The following CSMD3 variants were observed in gnomAD, a reference collection of about 807,000 sequenced individuals.
CSMD3 encodes the protein CUB and Sushi multiple domains 3, also known as CUB and sushi domain-containing protein 3.
A neutral mutation model predicts 435.2 loss-of-function variants in CSMD3; 177 were observed. The observed-to-expected ratio is 0.41, with a 90% confidence interval of 0.36 to 0.46. The LOEUF is 0.46. Ranked by LOEUF, CSMD3 falls within the 20% of genes least tolerant of loss-of-function variation. The pLI, the probability that CSMD3 is intolerant of heterozygous loss-of-function variation, is 0.34. For synonymous variants in CSMD3, 1,656 were observed against 1,520.5 expected, an observed-to-expected ratio of 1.09 and a Z score of -2.07; for missense variants, 4,265 against 4,504.6, an observed-to-expected ratio of 0.95 and a Z score of 1.52.
chr8:112,451,378 AAG>A (rs1425504515), intron 32 of CSMD3, among the ~76,000 whole-genome samples: 1 of 152,164 alleles, frequency 6.6e-6, no homozygotes, highest in African/African-American at 2.4e-5. Context: ...AATGAAAAAA[AAG>A]AAAAAATAAT....
At chr8:113,267,952 T>C (rs1451136324) in intron 3 of CSMD3, among the ~76,000 whole-genome samples, 1 of 151,750 alleles carries the variant, frequency 6.6e-6, no homozygotes, top group African/African-American at 2.4e-5. Flanking sequence ...ATAATCATTA[T>C]AAATGATATA....
intron 9 of CSMD3, among the ~76,000 whole-genome samples, chr8:112,942,540 A>T (rs2083482987): frequency 6.6e-6 from 1 of 151,862 alleles, no homozygotes; most frequent in South Asian, 2.1e-4. Context: ...CCATAAAAAA[A>T]TGAGTTCATG....
At chr8:112,769,166 C>A (rs1273054973) in intron 13 of CSMD3, among the ~76,000 whole-genome samples, 1 of 151,990 alleles carries the variant, frequency 6.6e-6, no homozygotes, top group Non-Finnish European at 1.5e-5. Flanking sequence ...CACCTAACTA[C>A]TCTCTCTGTT....
chr8:112,673,560 C>T (rs2075705848), intron 16 of CSMD3, among the ~76,000 whole-genome samples: 1 of 151,904 alleles, frequency 6.6e-6, no homozygotes, highest in South Asian at 2.1e-4. Flanking sequence ...TTATAAGAAC[C>T]ACAAATCAAT....
intron 3 of CSMD3, among the ~76,000 whole-genome samples, chr8:113,257,162 A>C (rs541774067): frequency 6.6e-6 from 1 of 152,284 alleles, no homozygotes; most frequent in East Asian, 1.9e-4. Context: ...TAATCCCAGC[A>C]CTTTGGGAGG....
rs763266423 is a variant in CSMD3 at position 112,406,564 on chromosome 8, A to G, written c.5769T>C (p.Asn1923=). ...SIAIRCETVP[N]SLAQWNDSLP... is the part of the protein sequence containing the mutation. The stretch of plus-strand genomic sequence containing the variant: ...AGGAATCATTCCACTGGGCCAAAGA[A>G]TTGGGCACTGTTTCACACCTAATTG... The change falls in exon 35 of 71, where the codon AAT becomes AAC. Residue 1923 remains asparagine (N), a synonymous_variant. Coordinates refer to ENST00000297405, the MANE Select transcript of CSMD3 (RefSeq NM_198123.2). 5.0e-6 allele frequency: 8 copies of G among 1,612,338 alleles called. No homozygotes were observed. In the East Asian group the frequency reaches 1.6e-4, roughly 31 times the overall value.
intron 1 of CSMD3, among the ~76,000 whole-genome samples, chr8:113,338,427 G>C (rs80260987): frequency 6.6e-6 from 1 of 151,978 alleles, no homozygotes; most frequent in East Asian, 1.9e-4. Context: ...TACTCTACTT[G>C]CATACGAATG....
intron 3 of CSMD3, among the ~76,000 whole-genome samples, chr8:113,276,474 A>G (rs910627839): frequency 1.3e-5 from 2 of 152,118 alleles, no homozygotes. Flanking sequence ...AGAAAGCCTT[A>G]GGAGCTATGG....
chr8:113,293,251 T>C (rs1267900434), intron 2 of CSMD3, among the ~76,000 whole-genome samples: 3 of 148,292 alleles, frequency 2.0e-5, no homozygotes, highest in African/African-American at 5.0e-5. Context: ...ATATATATGA[T>C]TCCTATTTTA....
chr8:112,828,375 G>A (rs978665171), intron 12 of CSMD3, among the ~76,000 whole-genome samples: 10 of 152,134 alleles, frequency 6.6e-5, no homozygotes, highest in African/African-American at 2.2e-4. Context: ...CATCACAGGG[G>A]TGGATTTCTC....
chr8:112,369,665 G>A (rs1236260714), intron 38 of CSMD3, among the ~76,000 whole-genome samples: 4 of 152,004 alleles, frequency 2.6e-5, no homozygotes, highest in Non-Finnish European at 5.9e-5. Context: ...TGAACAGTGA[G>A]AACACATGGA....
intron 5 of CSMD3, among the ~76,000 whole-genome samples, chr8:113,020,382 G>C (rs981774487): frequency 6.6e-6 from 1 of 151,998 alleles, no homozygotes; most frequent in African/African-American, 2.4e-5. Flanking sequence ...TATTGGTCAT[G>C]ATTAATATAT....
chr8:112,518,677 T>C (rs1477429573), intron 27 of CSMD3, among the ~76,000 whole-genome samples: 2 of 151,796 alleles, frequency 1.3e-5, no homozygotes, highest in East Asian at 3.9e-4. Flanking sequence ...TCATTAAATT[T>C]TTCTTGATTT....
chr8:113,400,131 A>T (rs1213222394), intron 1 of CSMD3, among the ~76,000 whole-genome samples: 1 of 152,014 alleles, frequency 6.6e-6, no homozygotes, highest in Admixed American at 6.6e-5. Context: ...AAAAATGTTC[A>T]TTAGTAAATA....
intron 1 of CSMD3, among the ~76,000 whole-genome samples, chr8:113,378,997 G>C (rs1352727329): frequency 6.6e-6 from 1 of 152,164 alleles, no homozygotes; most frequent in Non-Finnish European, 1.5e-5. Flanking sequence ...TCCATGACAA[G>C]AAGTTTGGAT....
intron 70 of CSMD3, 78 bp from the exon 71 acceptor site, chr8:112,225,008 A>G: frequency 2.3e-6 from 3 of 1,306,040 alleles, no homozygotes; most frequent in East Asian, 2.3e-5. Flanking sequence ...CATAATGTAC[A>G]TCGTTAGCAG....
intron 66 of CSMD3, among the ~76,000 whole-genome samples, chr8:112,237,603 T>C (rs917686419): frequency 1.3e-5 from 2 of 152,156 alleles, no homozygotes; most frequent in African/African-American, 2.4e-5. Context: ...ATTAGGTTTA[T>C]TTTTAGAACC....
chr8:113,275,462 C>T (rs771019488), intron 3 of CSMD3, among the ~76,000 whole-genome samples: 45 of 151,894 alleles, frequency 3.0e-4, no homozygotes, highest in Admixed American at 2.0e-3. Flanking sequence ...GTAAGTGGGG[C>T]CAAGAATTCT....
chr8:112,930,104 A>G (rs1187468977), intron 9 of CSMD3, among the ~76,000 whole-genome samples: 3 of 152,244 alleles, frequency 2.0e-5, no homozygotes, highest in East Asian at 3.9e-4. Flanking sequence ...TAGGTTGGTA[A>G]GCTTCCTAAT....
Sources: allele counts gnomAD v4.1 joint callset (sites outside exome capture counted in the v4.1 genomes callset), GRCh38; gene constraint gnomAD v4.1.1; transcripts MANE v1.5; gene names NCBI Gene and HGNC (gene_info 2026-07-23, HGNC 2026-07-21).